ARK2C: variants seen among roughly 807,000 people sequenced by gnomAD.
The protein encoded by ARK2C is E3 ubiquitin-protein ligase ARK2C.
At chr18:46,433,173 C>G in the ARK2C span, 1 of 1,553,122 alleles carries the variant, frequency 6.4e-7, no homozygotes, top group Non-Finnish European at 8.7e-7. Flanking sequence ...GGAGATGTCT[C>G]TGTCCTTGCC....
chr18:46,402,311 C>T, the ARK2C span, among the ~76,000 whole-genome samples: 1 of 149,698 alleles, frequency 6.7e-6, no homozygotes, highest in South Asian at 2.1e-4. Flanking sequence ...TTAGTTAAAA[C>T]CTCCTTCCCT....
At chr18:46,388,123 G>GT in the ARK2C span, among the ~76,000 whole-genome samples, 2 of 152,316 alleles carry the variant, frequency 1.3e-5, no homozygotes, top group Admixed American at 1.3e-4. Flanking sequence ...AAGGTTACAT[G>GT]TTTATTTGGG....
the ARK2C span, among the ~76,000 whole-genome samples, chr18:46,403,424 A>C: frequency 1.3e-5 from 2 of 151,840 alleles, no homozygotes; most frequent in Non-Finnish European, 2.9e-5. Context: ...ATCAACCCAT[A>C]CTCACTGGGC....
the ARK2C span, among the ~76,000 whole-genome samples, chr18:46,348,964 C>T: frequency 6.8e-6 from 1 of 147,752 alleles, no homozygotes; most frequent in Non-Finnish European, 1.5e-5. Context: ...TAGAAGCATA[C>T]CTTGAACTTG....
chr18:46,373,706 A>G, the ARK2C span, among the ~76,000 whole-genome samples: 2 of 152,208 alleles, frequency 1.3e-5, no homozygotes, highest in Non-Finnish European at 2.9e-5. Context: ...TACAACTCTT[A>G]GGACAGGGCT....
chr18:46,440,422 T>G, the ARK2C span, among the ~76,000 whole-genome samples: 1 of 152,206 alleles, frequency 6.6e-6, no homozygotes, highest in Admixed American at 6.5e-5. Flanking sequence ...GAATATACAG[T>G]ATAGGAAGAA....
chr18:46,446,959 A>G, the ARK2C span, among the ~76,000 whole-genome samples: 2 of 152,162 alleles, frequency 1.3e-5, no homozygotes, highest in Non-Finnish European at 2.9e-5. Flanking sequence ...AGATGTTTCC[A>G]TCTTATCTTG....
At chr18:46,336,623 T>G in the ARK2C span, 1 of 985,464 alleles carries the variant, frequency 1.0e-6, no homozygotes, top group Non-Finnish European at 1.2e-6. Flanking sequence ...TCTGTTCTTT[T>G]TAGTTTCCAT....
the ARK2C span, among the ~76,000 whole-genome samples, chr18:46,416,064 A>T: frequency 2.0e-5 from 3 of 152,114 alleles, no homozygotes; most frequent in Non-Finnish European, 2.9e-5. Flanking sequence ...TTAACATGTC[A>T]TGGGGGTGGA....
chr18:46,395,358 T>A, the ARK2C span, among the ~76,000 whole-genome samples: 6 of 152,278 alleles, frequency 3.9e-5, no homozygotes, highest in East Asian at 1.2e-3. Flanking sequence ...GGATGATTCT[T>A]TGTTGCAGGG....
the ARK2C span, chr18:46,337,105 T>G: frequency 1.8e-5 from 18 of 985,116 alleles, no homozygotes; most frequent in Non-Finnish European, 2.0e-5. Context: ...GCTTGAAAAC[T>G]GAAACAAAAC....
the ARK2C span, among the ~76,000 whole-genome samples, chr18:46,410,127 A>C: frequency 2.6e-5 from 4 of 152,322 alleles, no homozygotes; most frequent in South Asian, 8.3e-4. Flanking sequence ...TCAAGCGATC[A>C]ATACATCTTC....
chr18:46,381,156 G>A, the ARK2C span, among the ~76,000 whole-genome samples: 1 of 152,238 alleles, frequency 6.6e-6, no homozygotes, highest in South Asian at 2.1e-4. Flanking sequence ...CTGTTCTGAA[G>A]CGAGGAGGCA....
At chr18:46,394,481 T>C in the ARK2C span, among the ~76,000 whole-genome samples, 1 of 152,266 alleles carries the variant, frequency 6.6e-6, no homozygotes, top group Middle Eastern at 3.4e-3. Flanking sequence ...TGCAGTTCTG[T>C]GGGTCACGAG....
At chr18:46,439,987 A>G in the ARK2C span, among the ~76,000 whole-genome samples, 1 of 151,948 alleles carries the variant, frequency 6.6e-6, no homozygotes, top group Non-Finnish European at 1.5e-5. Flanking sequence ...CACACCCTAC[A>G]CCCAGCTAAT....
At chr18:46,433,528 G>T in the ARK2C span, 4 of 1,571,282 alleles carry the variant, frequency 2.5e-6, no homozygotes, top group Middle Eastern at 1.8e-4. Flanking sequence ...TGGGGCGGAG[G>T]TGGGGACCCG....
the ARK2C span, among the ~76,000 whole-genome samples, chr18:46,454,396 G>T: frequency 6.6e-6 from 1 of 152,112 alleles, no homozygotes; most frequent in Non-Finnish European, 1.5e-5. Context: ...AGATCATCAT[G>T]ACTCTATTCA....
the ARK2C span, among the ~76,000 whole-genome samples, chr18:46,351,105 C>T: frequency 6.6e-6 from 1 of 152,214 alleles, no homozygotes; most frequent in Non-Finnish European, 1.5e-5. Context: ...GTCTGCAGAG[C>T]CCGGGAGGGA....
At chr18:46,453,828 A>G in the ARK2C span, among the ~76,000 whole-genome samples, 4 of 152,052 alleles carry the variant, frequency 2.6e-5, no homozygotes, top group African/African-American at 7.2e-5. Flanking sequence ...CATCAATAAC[A>G]TCATAGTTAA....
Sources: allele counts gnomAD v4.1 joint callset (sites outside exome capture counted in the v4.1 genomes callset), GRCh38; gene constraint gnomAD v4.1.1; transcripts MANE v1.5; gene names NCBI Gene and HGNC (gene_info 2026-07-23, HGNC 2026-07-21).